Variants in CFAP44 observed in about 807,000 individuals in gnomAD.
CFAP44 encodes the protein cilia and flagella associated protein 44.
In CFAP44, 134 loss-of-function variants were observed where a neutral mutation model predicts 216.2. That is an observed-to-expected ratio of 0.62 (90% confidence interval 0.54 to 0.72). The LOEUF is 0.72. CFAP44 is among the 30% of genes least tolerant of loss of function. The pLI, the probability that CFAP44 is intolerant of heterozygous loss-of-function variation, is 0.00. For missense variants in CFAP44, 2,035 were observed against 2,182.1 expected (o/e 0.93, Z 1.34); for synonymous variants, 700 against 727.6 (o/e 0.96, Z 0.61).
At position 113,287,927 on chromosome 3, in the gene CFAP44, T is replaced by C. The variant is rs188150549; in HGVS notation, c.*3630A>G. 1 of 152,372 alleles carries C rather than the reference T, an allele frequency of 6.6e-6. No individual in the cohort carries two copies. The highest frequency in any genetic ancestry group is 1.9e-4 in the East Asian group (1 of 5,188). 9.4% of individuals were successfully genotyped at this position (152,372 alleles called of 1,614,324 possible). The stretch of plus-strand genomic sequence containing the variant: ...GAGTAGTTGACTCACTAGTTTAAAA[T>C]CAACATTTACTTACTGTTGTCCAAC... On this transcript the variant is annotated 3_prime_UTR_variant, in exon 35 of 35. Transcript: ENST00000393845.
intron 17 of CFAP44, among the ~76,000 whole-genome samples, chr3:113,374,454 T>C (rs549614562): frequency 6.6e-6 from 1 of 152,164 alleles, no homozygotes; most frequent in South Asian, 2.1e-4. Flanking sequence ...TTGTTACATA[T>C]ATGTGGCAGC....
At position 113,409,088 on chromosome 3, in the gene CFAP44, A is replaced by G. The variant is rs777828849; in HGVS notation, c.890+18T>C. On this transcript the variant is annotated intron_variant, in intron 7 of 34. Coordinates refer to ENST00000393845, the MANE Select transcript of CFAP44 (RefSeq NM_001164496.2). The stretch of plus-strand genomic sequence containing the variant: ...TCCTGTGATATCTACTGGCACCTCT[A>G]TTGGTTACCCAACCTACTTGATGTG... The G allele has an allele frequency of 3.7e-6, 6 of 1,600,176 alleles. No individual in the cohort carries two copies. The African/African-American group carries it at 4.1e-5, about 11-fold the overall frequency.
At chr3:113,369,903 C>T (rs1933092931) in intron 18 of CFAP44, among the ~76,000 whole-genome samples, 1 of 152,094 alleles carries the variant, frequency 6.6e-6, no homozygotes, top group Non-Finnish European at 1.5e-5. Context: ...GGGATATCAC[C>T]ACTGATCCCA....
intron 28 of CFAP44, among the ~76,000 whole-genome samples, chr3:113,309,151 A>C (rs1451412607): frequency 1.3e-5 from 2 of 152,110 alleles, no homozygotes; most frequent in African/African-American, 4.8e-5. Flanking sequence ...TAACCTATTT[A>C]GTCCAATTCT....
intron 29 of CFAP44, 43 bp from the exon 30 acceptor site, chr3:113,306,374 G>T (rs1392418534): frequency 6.6e-7 from 1 of 1,524,896 alleles, no homozygotes; most frequent in Non-Finnish European, 8.7e-7. Flanking sequence ...ATTTGTTATG[G>T]AATGTGGTAG....
At chr3:113,401,317 T>C (rs776674164) in intron 10 of CFAP44, 30 bp from the exon 11 acceptor site, 2 of 1,558,704 alleles carry the variant, frequency 1.3e-6, no homozygotes, top group South Asian at 1.2e-5. Flanking sequence ...TTTTGTTTTA[T>C]CATTTTAAAC....
At chr3:113,410,362 T>C (rs6783773) in intron 6 of CFAP44, among the ~76,000 whole-genome samples, 63,123 of 151,892 alleles carry the variant, frequency 0.42, 13,461 homozygotes, top group East Asian at 0.52. Context: ...AGTGTTCTCA[T>C]TGGTCAATTC....
At chr3:113,334,143 G>A (rs981093365) in intron 24 of CFAP44, among the ~76,000 whole-genome samples, 6 of 151,914 alleles carry the variant, frequency 3.9e-5, no homozygotes, top group African/African-American at 1.2e-4. Context: ...GTAGAGACGG[G>A]GTTTCATCAT....
chr3:113,354,339 A>T (rs1485445248), intron 22 of CFAP44, among the ~76,000 whole-genome samples: 3 of 152,190 alleles, frequency 2.0e-5, no homozygotes, highest in African/African-American at 7.2e-5. Flanking sequence ...GTTCCCTGAG[A>T]TGCCAAAAAA....
At chr3:113,325,578 C>T (rs1056457844) in intron 28 of CFAP44, among the ~76,000 whole-genome samples, 7 of 151,732 alleles carry the variant, frequency 4.6e-5, no homozygotes, top group African/African-American at 1.5e-4. Flanking sequence ...CCTAGTAGCT[C>T]GGACTACGGC....
chr3:113,364,466 A>G (rs75324693), intron 19 of CFAP44, among the ~76,000 whole-genome samples: 2,119 of 152,296 alleles, frequency 0.014, 49 homozygotes, highest in African/African-American at 0.048. Context: ...CATGATCAAT[A>G]TAAGAGACAG....
intron 22 of CFAP44, among the ~76,000 whole-genome samples, chr3:113,355,246 C>A (rs528830685): frequency 3.9e-5 from 6 of 152,080 alleles, no homozygotes; most frequent in African/African-American, 1.4e-4. Flanking sequence ...TTAAGCCAGG[C>A]GTGGTGGCTC....
At position 113,404,780 on chromosome 3, in the gene CFAP44, C is replaced by G. The variant is rs1028849856; in HGVS notation, c.1006-764G>C. Among the ~76,000 whole-genome samples, 19 of 152,104 alleles carry G rather than the reference C, an allele frequency of 1.2e-4. 1 individual carries two copies. Among genetic ancestry groups the G allele is most frequent in the South Asian group, 6.2e-4 (3 of 4,822 alleles). ...ATGATAGCCCTGACTATTATTATCCCCATTTTACAGAGGAGAACATTGAAG... is the reference window on the plus strand; with the variant it reads ...ATGATAGCCCTGACTATTATTATCCGCATTTTACAGAGGAGAACATTGAAG... On this transcript the variant is annotated intron_variant, in intron 8 of 34. Coordinates refer to ENST00000393845, the MANE Select transcript of CFAP44 (RefSeq NM_001164496.2).
intron 26 of CFAP44, among the ~76,000 whole-genome samples, chr3:113,328,696 T>TAAA (rs58650082): frequency 0.07 from 1,942 of 27,646 alleles, 192 homozygotes; most frequent in Non-Finnish European, 0.086. Context: ...TTAGAGAGCT[T>TAAA]AAAAAAAAAA....
chr3:113,404,600 T>C (rs1934228062), intron 8 of CFAP44, among the ~76,000 whole-genome samples: 1 of 152,198 alleles, frequency 6.6e-6, no homozygotes, highest in Non-Finnish European at 1.5e-5. Flanking sequence ...AAGCACTGGT[T>C]CAGTACTTTA....
At position 113,409,267 on chromosome 3, in the gene CFAP44, C is replaced by A. The variant is rs1934384872; in HGVS notation, c.729G>T (p.Leu243=). The A allele has an allele frequency of 6.2e-7, 1 of 1,614,018 alleles. No homozygotes were observed. The highest frequency in any genetic ancestry group is 1.3e-5 in the African/African-American group (1 of 74,910). Residue 243 remains leucine, a synonymous_variant, in exon 7 of 35, where the codon CTG becomes CTT. Coordinates refer to ENST00000393845, the MANE Select transcript of CFAP44 (RefSeq NM_001164496.2). Reference sequence around the variant, plus strand: ...AGTCAGGGTTACTACCAACAGAGGCCAGCAAGTTACCGCTGTAGTTAAAGT... The same window carrying A: ...AGTCAGGGTTACTACCAACAGAGGCAAGCAAGTTACCGCTGTAGTTAAAGT... ...YVDFNYSGNL[L]ASVGSNPDYT...
Position 113,404,079 on chromosome 3 carries a change from C to G in CFAP44, c.1006-63G>C, listed in dbSNP as rs538932060. On this transcript the variant is annotated intron_variant, in intron 8 of 34. Coordinates refer to ENST00000393845, the MANE Select transcript of CFAP44 (RefSeq NM_001164496.2). ...CAGGTAAGTGTACATATTTATGCCTCAAATAGTAGGTGAAAATTATTTTTT... is the reference window on the plus strand; with the variant it reads ...CAGGTAAGTGTACATATTTATGCCTGAAATAGTAGGTGAAAATTATTTTTT... The G allele has an allele frequency of 4.0e-4, 566 of 1,399,426 alleles. 2 individuals carry two copies. The highest frequency in any genetic ancestry group is 2.3e-3 in the Middle Eastern group (12 of 5,274). 86.7% of individuals were successfully genotyped at this position (1,399,426 alleles called of 1,614,324 possible). A position where few individuals can be genotyped will look rare whatever the true frequency, so the allele number is the denominator to read the frequency against.
Position 113,418,057 on chromosome 3 carries a change from A to AATTTATTTATTTATTTATTT in CFAP44, c.571-1450_571-1431dup, listed in dbSNP as rs71299331. On this transcript the variant is annotated intron_variant, in intron 5 of 34. Transcript: ENST00000393845. ...TTTATTTAATTATTTATTGAGACAC[A>AATTTATTTATTTATTTATTT]ATTTATTTATTTATTTATTTATTTA... Among the ~76,000 whole-genome samples, 134 of 148,952 alleles carry AATTTATTTATTTATTTATTT rather than the reference A, an allele frequency of 9.0e-4. 2 individuals carry two copies. The East Asian group carries it at 0.015, about 16-fold the overall frequency.
At chr3:113,425,110 G>GC in intron 4 of CFAP44, among the ~76,000 whole-genome samples, 1 of 148,628 alleles carries the variant, frequency 6.7e-6, no homozygotes, top group South Asian at 2.1e-4. Flanking sequence ...CAAAGATAAG[G>GC]AAAAAAAAAG....
Sources: gnomAD v4.1 joint callset for allele counts (sites outside exome capture counted in the v4.1 genomes callset) on GRCh38, gnomAD v4.1.1 for gene constraint, MANE v1.5 for transcripts, NCBI Gene and HGNC (gene_info 2026-07-23, HGNC 2026-07-21) for gene names.